The following CD6 variants were observed in gnomAD, a reference collection of about 807,000 sequenced individuals.
CD6 encodes the protein CD6 molecule, also known as T-cell differentiation antigen CD6.
CD6 carries 53 observed loss-of-function variants against 75.3 expected under a neutral mutation model. The ratio of observed to expected loss-of-function variants is 0.70; its 90% CI spans 0.56 to 0.88. The LOEUF is 0.88. CD6 is among the 40% of genes least tolerant of loss of function. The pLI, the probability that CD6 is intolerant of heterozygous loss-of-function variation, is 0.00. For synonymous variants in CD6, 359 were observed against 381.5 expected (o/e 0.94, Z 0.69); for missense variants, 770 against 897.1 (o/e 0.86, Z 1.81).
At chr11:60,994,466 A>AAAAAAAAAAAAAAAAAC in intron 1 of CD6, among the ~76,000 whole-genome samples, 1 of 117,376 alleles carries the variant, frequency 8.5e-6, no homozygotes, top group Non-Finnish European at 2.2e-5. Context: ...CCAAAAAAAA[A>AAAAAAAAAAAAAAAAAC]AAAAAGCTGA....
intron 1 of CD6, among the ~76,000 whole-genome samples, chr11:61,005,136 G>A (rs1398629571): frequency 6.6e-6 from 1 of 152,186 alleles, no homozygotes; most frequent in African/African-American, 2.4e-5. Context: ...CGCATCAGTT[G>A]GGTTCCCACC....
intron 1 of CD6, among the ~76,000 whole-genome samples, chr11:60,974,853 A>AG (rs552723106): frequency 3.3e-5 from 5 of 152,098 alleles, no homozygotes; most frequent in African/African-American, 1.2e-4. Flanking sequence ...CATCAGTGGA[A>AG]GGGGGGTGCT....
At position 61,007,924 on chromosome 11, in the gene CD6, C is replaced by T; in HGVS notation, c.469+14C>T. 1 of 1,307,594 alleles carries T rather than the reference C, an allele frequency of 7.6e-7. No homozygotes were observed. The highest frequency in any genetic ancestry group is 2.1e-5 in the South Asian group (1 of 46,928). 81.0% of individuals were successfully genotyped at this position (1,307,594 alleles called of 1,614,324 possible). A position where few individuals can be genotyped will look rare whatever the true frequency, so the allele number is the denominator to read the frequency against. ...TCACCTGTGCAGGTACGAGCGCACC[C>T]CCTACACGGGCCCCCACCTGCCCCA... is the stretch of plus-strand genomic sequence containing the variant. On this transcript the variant is annotated intron_variant, in intron 3 of 12. Transcript: ENST00000313421. The surrounding 1 kb of genome is among the most constrained non-coding windows in gnomAD (Gnocchi z 4.2).
Position 60,990,515 on chromosome 11 carries a change from C to T in CD6, c.50-16059C>T, listed in dbSNP as rs546127973. Reference sequence around the variant, plus strand: ...CTGGGATTACAGGCGTGAGCCACCGCGCCTGGCCTGAGAATGTTTTAATGA... The same window carrying T: ...CTGGGATTACAGGCGTGAGCCACCGTGCCTGGCCTGAGAATGTTTTAATGA... On this transcript the variant is annotated intron_variant, in intron 1 of 12. Coordinates refer to ENST00000313421, the MANE Select transcript of CD6 (RefSeq NM_006725.5). 1.3e-4 allele frequency among the ~76,000 whole-genome samples: 20 copies of T among 152,170 alleles called. No homozygotes were observed. The East Asian group carries it at 3.3e-3, about 25-fold the overall frequency.
chr11:61,004,052 C>T (rs1489848105), intron 1 of CD6, among the ~76,000 whole-genome samples: 1 of 152,230 alleles, frequency 6.6e-6, no homozygotes, highest in Non-Finnish European at 1.5e-5. Flanking sequence ...AGCCATGGGC[C>T]CTGCCCTCTA....
chr11:60,994,082 A>G (rs1305522366), intron 1 of CD6, among the ~76,000 whole-genome samples: 1 of 152,194 alleles, frequency 6.6e-6, no homozygotes, highest in South Asian at 2.1e-4. Flanking sequence ...CTGGGCATGC[A>G]TGGAAGGTAT....
intron 1 of CD6, among the ~76,000 whole-genome samples, chr11:60,986,302 G>T (rs1857814546): frequency 6.6e-6 from 1 of 152,200 alleles, no homozygotes; most frequent in Non-Finnish European, 1.5e-5. Context: ...AGCGTCATGG[G>T]CCTTCAGTCT....
intron 1 of CD6, among the ~76,000 whole-genome samples, chr11:60,972,518 G>A (rs1300216431): frequency 2.0e-5 from 3 of 152,214 alleles, no homozygotes; most frequent in African/African-American, 7.2e-5. Flanking sequence ...GGCCACCTGG[G>A]CCAGGGAATC....
At chr11:60,999,793 T>A (rs972462329) in intron 1 of CD6, among the ~76,000 whole-genome samples, 4 of 152,082 alleles carry the variant, frequency 2.6e-5, no homozygotes, top group Admixed American at 2.6e-4. Flanking sequence ...ACGCCTGTAA[T>A]CCCAGCACTT....
At position 61,019,261 on chromosome 11, in the gene CD6, CA is replaced by C; in HGVS notation, c.1951del (p.Ser651AlafsTer130). ...GGGCCTCTCTGCCCACAGGGTCCCC[CA>C]GCCCTCAGCCTGACTCCACCGACAA... ...EEQFGCPGSPSPQPDSTDNDD... is the reference protein window; with the variant it reads ...EEQFGCPGSPXPQPDSTDNDD... On this transcript the variant is annotated frameshift_variant, in exon 13 of 13. Coordinates refer to ENST00000313421, the MANE Select transcript of CD6 (RefSeq NM_006725.5). LOFTEE classifies it high-confidence loss of function. The C allele has an allele frequency of 6.2e-7, 1 of 1,611,398 alleles. No homozygotes were observed. The highest frequency in any genetic ancestry group is 8.5e-7 in the Non-Finnish European group (1 of 1,179,736).
At chr11:60,979,590 C>T (rs1307743114) in intron 1 of CD6, among the ~76,000 whole-genome samples, 3 of 152,102 alleles carry the variant, frequency 2.0e-5, no homozygotes, top group Non-Finnish European at 4.4e-5. Flanking sequence ...CCTCAGCCTC[C>T]CGAGTAAGGG....
At chr11:60,977,146 C>A (rs1476045468) in intron 1 of CD6, among the ~76,000 whole-genome samples, 1 of 152,068 alleles carries the variant, frequency 6.6e-6, no homozygotes, top group Non-Finnish European at 1.5e-5. Flanking sequence ...CTCATTCAGA[C>A]CACATTTATT....
Position 61,020,318 on chromosome 11 carries a change from G to T in CD6, c.*1000G>T. 1 of 399,038 alleles carries T rather than the reference G, an allele frequency of 2.5e-6. No homozygotes were observed. 24.7% of individuals were successfully genotyped at this position (399,038 alleles called of 1,614,324 possible). On this transcript the variant is annotated 3_prime_UTR_variant, in exon 13 of 13. Transcript: ENST00000313421. ...CCCCAGAGAGAGGCCCATGGGCTCAGACCAGGCTTTGTTGTCCTGCTCTGA... is the reference window on the plus strand; with the variant it reads ...CCCCAGAGAGAGGCCCATGGGCTCATACCAGGCTTTGTTGTCCTGCTCTGA...
At chr11:60,987,558 C>A (rs777891568) in intron 1 of CD6, among the ~76,000 whole-genome samples, 1 of 150,774 alleles carries the variant, frequency 6.6e-6, no homozygotes, top group Non-Finnish European at 1.5e-5. Context: ...TGTGTGTGTA[C>A]ATGTATGTAT....
chr11:61,018,748 A>C, intron 12 of CD6: 1 of 306,366 alleles, frequency 3.3e-6, no homozygotes, highest in Non-Finnish European at 6.1e-6. Flanking sequence ...AGCCCAGGAG[A>C]TCCAGGCTGC....
At chr11:60,987,056 AGGCAGAGGTTGCAGTGAGCCGAGATG>A (rs1178067760) in intron 1 of CD6, among the ~76,000 whole-genome samples, 1 of 152,202 alleles carries the variant, frequency 6.6e-6, no homozygotes, top group Non-Finnish European at 1.5e-5. Context: ...TGAACCTGGG[AGGCAGAGGTTGCAGTGAGCCGAGATG>A]GCACCACAGT....
chr11:60,998,971 C>T (rs946070119), intron 1 of CD6, among the ~76,000 whole-genome samples: 2 of 151,968 alleles, frequency 1.3e-5, no homozygotes, highest in African/African-American at 4.8e-5. Flanking sequence ...CCAGCCTGGC[C>T]AACATCGTGA....
chr11:60,972,834 G>T (rs542247152), intron 1 of CD6, among the ~76,000 whole-genome samples: 1 of 152,184 alleles, frequency 6.6e-6, no homozygotes. Flanking sequence ...TACATGTCGC[G>T]AGACTCTGGG....
At chr11:60,973,685 A>G (rs1857270300) in intron 1 of CD6, among the ~76,000 whole-genome samples, 1 of 152,176 alleles carries the variant, frequency 6.6e-6, no homozygotes, top group Non-Finnish European at 1.5e-5. Context: ...AGGAGGGGAG[A>G]GGAGATGGCC....
Sources: allele counts gnomAD v4.1 joint callset (sites outside exome capture counted in the v4.1 genomes callset), GRCh38; gene constraint gnomAD v4.1.1; non-coding constraint Gnocchi (gnomAD v3.1); transcripts MANE v1.5; gene names NCBI Gene and HGNC (gene_info 2026-07-23, HGNC 2026-07-21).